LCOR: variants seen among roughly 807,000 people sequenced by gnomAD.
LCOR encodes ligand-dependent corepressor.
A neutral mutation model predicts 64.4 loss-of-function variants in LCOR; 14 were observed. That is an observed-to-expected ratio of 0.22 (90% confidence interval 0.14 to 0.34). The LOEUF is 0.34. LCOR is among the 10% of genes least tolerant of loss of function. The pLI, the probability that LCOR is intolerant of heterozygous loss-of-function variation, is 1.00. For missense variants in LCOR, 1,686 were observed against 1,765.3 expected (o/e 0.96, Z 0.80); for synonymous variants, 643 against 642.5 (o/e 1.00, Z -0.01).
At chr10:96,945,743 C>A (rs1430873707) in intron 5 of LCOR, among the ~76,000 whole-genome samples, 4 of 152,116 alleles carry the variant, frequency 2.6e-5, no homozygotes, top group African/African-American at 9.7e-5. Flanking sequence ...GCTTCATTAT[C>A]TGAAAAGAGG....
chr10:96,969,780 TTTTTTTTTTC>T (rs1383063205), intron 7 of LCOR, among the ~76,000 whole-genome samples: 1 of 147,868 alleles, frequency 6.8e-6, no homozygotes, highest in Non-Finnish European at 1.5e-5. Context: ...TTTTCTTTTT[TTTTTTTTTTC>T]TTTTTTGAGA....
At chr10:96,879,494 C>T (rs974861764) in intron 2 of LCOR, among the ~76,000 whole-genome samples, 2 of 152,274 alleles carry the variant, frequency 1.3e-5, no homozygotes, top group East Asian at 3.9e-4. Flanking sequence ...CTTTAAAAAT[C>T]ATAGTTATTT....
At chr10:96,870,232 C>G (rs1365148896) in intron 2 of LCOR, among the ~76,000 whole-genome samples, 1 of 151,882 alleles carries the variant, frequency 6.6e-6, no homozygotes, top group African/African-American at 2.4e-5. Flanking sequence ...AGGATGGTCT[C>G]AATCTCCTGA....
intron 7 of LCOR, among the ~76,000 whole-genome samples, chr10:96,965,774 T>C (rs888334431): frequency 1.3e-5 from 2 of 152,126 alleles, no homozygotes; most frequent in Non-Finnish European, 2.9e-5. Flanking sequence ...GTTGGCTTTA[T>C]TTGTTCCCCT....
At chr10:96,968,771 CA>C (rs1400568080) in intron 7 of LCOR, among the ~76,000 whole-genome samples, 1 of 152,000 alleles carries the variant, frequency 6.6e-6, no homozygotes, top group South Asian at 2.1e-4. Context: ...CCCATCTCTA[CA>C]AAAAATCCAA....
chr10:96,954,964 G>T, intron 7 of LCOR: 1 of 1,613,604 alleles, frequency 6.2e-7, no homozygotes, highest in Non-Finnish European at 8.5e-7. Context: ...CGACCTGGGA[G>T]ACCCAGCCAG....
chr10:96,920,434 G>GTATATATGAATATATATTCA (rs1847030766), intron 4 of LCOR, among the ~76,000 whole-genome samples: 7 of 124,012 alleles, frequency 5.6e-5, no homozygotes, highest in Non-Finnish European at 8.1e-5. Flanking sequence ...ATATATATGT[G>GTATATATGAATATATATTCA]TATATATGTG....
At chr10:96,925,693 A>AT (rs1847156529) in intron 4 of LCOR, among the ~76,000 whole-genome samples, 1 of 151,920 alleles carries the variant, frequency 6.6e-6, no homozygotes, top group Non-Finnish European at 1.5e-5. Flanking sequence ...AAATATTACT[A>AT]TTTTCCCCTT....
At chr10:96,902,736 A>C (rs1377683536) in intron 2 of LCOR, among the ~76,000 whole-genome samples, 1 of 152,128 alleles carries the variant, frequency 6.6e-6, no homozygotes, top group East Asian at 1.9e-4. Flanking sequence ...ACTCCAGATA[A>C]TATCATTCCC....
intron 2 of LCOR, among the ~76,000 whole-genome samples, chr10:96,871,783 G>A (rs2134406521): frequency 6.6e-6 from 1 of 152,204 alleles, no homozygotes; most frequent in Non-Finnish European, 1.5e-5. Flanking sequence ...TTTTTAAGAA[G>A]TAGCTACAGT....
intron 4 of LCOR, among the ~76,000 whole-genome samples, chr10:96,938,622 T>C (rs187317012): frequency 1.1e-4 from 17 of 152,280 alleles, no homozygotes; most frequent in Admixed American, 2.6e-4. Context: ...GACATGATGA[T>C]GTATATAGAA....
intron 4 of LCOR, among the ~76,000 whole-genome samples, chr10:96,913,661 C>T (rs146607067): frequency 6.6e-6 from 1 of 152,270 alleles, no homozygotes; most frequent in East Asian, 1.9e-4. Context: ...TGGCTCACAC[C>T]TGTAATCCCA....
chr10:96,853,350 T>C (rs186053579), intron 2 of LCOR, among the ~76,000 whole-genome samples: 22 of 152,316 alleles, frequency 1.4e-4, no homozygotes, highest in Non-Finnish European at 2.5e-4. Context: ...CCCAGCCTGT[T>C]GTCACCTTTT....
chr10:96,865,570 A>C (rs1474488873), intron 2 of LCOR, among the ~76,000 whole-genome samples: 1 of 152,080 alleles, frequency 6.6e-6, no homozygotes, highest in Non-Finnish European at 1.5e-5. Flanking sequence ...CCATCACCCA[A>C]AACAAGAAAT....
Position 96,983,276 on chromosome 10 carries a change from A to G in LCOR, c.2816A>G (p.Gln939Arg). Residue 939 changes from glutamine to arginine, a missense_variant, in exon 8 of 8, where the codon CAG becomes CGG. By Grantham distance (43) the Gln-to-Arg change is conservative. This residue lies in a region of LCOR where 1,293 missense variants were observed against 1,410.4 expected (regional missense o/e 0.92). Transcript: ENST00000421806. This position sits in a 1 kb window ranked among gnomAD's most constrained non-coding sequence, Gnocchi z 4.5. ...AGGGACCCCATAACCACAGCTGGACAGCCACTGCCTGGAGAGAGATTGGAA... is the reference window on the plus strand; with the variant it reads ...AGGGACCCCATAACCACAGCTGGACGGCCACTGCCTGGAGAGAGATTGGAA... ...PSRDPITTAGQPLPGERLEIY... is the reference protein window; with the variant it reads ...PSRDPITTAGRPLPGERLEIY... 6.2e-7 allele frequency: 1 copy of G among 1,614,230 alleles called. No homozygotes were observed. The highest frequency in any genetic ancestry group is 8.5e-7 in the Non-Finnish European group (1 of 1,180,030).
At chr10:96,860,649 T>C (rs1471237394) in intron 2 of LCOR, among the ~76,000 whole-genome samples, 1 of 152,256 alleles carries the variant, frequency 6.6e-6, no homozygotes, top group Non-Finnish European at 1.5e-5. Flanking sequence ...AATTTAATTT[T>C]GGGTAAGTCC....
chr10:96,938,413 C>G (rs914268961), intron 4 of LCOR, among the ~76,000 whole-genome samples: 2 of 152,036 alleles, frequency 1.3e-5, no homozygotes, highest in Non-Finnish European at 2.9e-5. Flanking sequence ...AGAGAACTTT[C>G]TAAATCTGAA....
At chr10:96,884,655 A>G (rs1846313614) in intron 2 of LCOR, among the ~76,000 whole-genome samples, 1 of 152,190 alleles carries the variant, frequency 6.6e-6, no homozygotes, top group Non-Finnish European at 1.5e-5. Context: ...GTCTGGGTTG[A>G]GGTATAAGAA....
intron 7 of LCOR, chr10:96,955,229 C>T (rs764403478): frequency 6.2e-7 from 1 of 1,614,138 alleles, no homozygotes; most frequent in Admixed American, 1.7e-5. Flanking sequence ...ACGAGTTCAA[C>T]CTCAGCCGTA....
Sources: gnomAD v4.1 joint callset for allele counts (sites outside exome capture counted in the v4.1 genomes callset) on GRCh38, gnomAD v4.1.1 for gene constraint, gnomAD v4.1.1 regional missense constraint, Gnocchi (gnomAD v3.1) non-coding constraint, MANE v1.5 for transcripts, NCBI Gene and HGNC (gene_info 2026-07-23, HGNC 2026-07-21) for gene names.